Variants in ALK observed in about 807,000 individuals in gnomAD.
The protein encoded by ALK is ALK receptor tyrosine kinase.
ALK carries 74 observed loss-of-function variants against 163.1 expected under a neutral mutation model. The ratio of observed to expected loss-of-function variants is 0.45; its 90% CI spans 0.38 to 0.55. The LOEUF (loss-of-function observed/expected upper bound fraction) is 0.55, where lower values mean the gene tolerates loss of function less well. Among genes scored for constraint, ALK ranks in the 20% least tolerant of loss-of-function variants. The pLI, the probability that ALK is intolerant of heterozygous loss-of-function variation, is 0.00. For synonymous variants in ALK, 960 were observed against 843.2 expected, an observed-to-expected ratio of 1.14 and a Z score of -2.40; for missense variants, 2,063 against 2,105.3, an observed-to-expected ratio of 0.98 and a Z score of 0.39.
intron 4 of ALK, among the ~76,000 whole-genome samples, chr2:29,457,850 G>C (rs565486577): frequency 6.6e-6 from 1 of 152,184 alleles, no homozygotes; most frequent in Non-Finnish European, 1.5e-5. Context: ...GTTTAGAGAG[G>C]TTAGGTGCCT....
chr2:29,378,348 G>A (rs1438792060), intron 5 of ALK, among the ~76,000 whole-genome samples: 2 of 152,112 alleles, frequency 1.3e-5, no homozygotes, highest in Non-Finnish European at 2.9e-5. Context: ...ATTTCTACAT[G>A]GCAAGGGAGA....
At chr2:29,811,116 G>A (rs1273914051) in intron 1 of ALK, among the ~76,000 whole-genome samples, 2 of 152,028 alleles carry the variant, frequency 1.3e-5, no homozygotes, top group African/African-American at 4.8e-5. Flanking sequence ...AAAGAGATGA[G>A]GTAAGAAAAA....
At chr2:29,194,213 AT>A (rs931829310) in intron 28 of ALK, among the ~76,000 whole-genome samples, 2 of 150,888 alleles carry the variant, frequency 1.3e-5, no homozygotes, top group Non-Finnish European at 2.9e-5. Context: ...GTTTTTAAAG[AT>A]TAGTGGATTT....
chr2:29,288,952 AAAAAAATAAATAAAT>A (rs1418408940), intron 9 of ALK, among the ~76,000 whole-genome samples: 364 of 23,584 alleles, frequency 0.015, 20 homozygotes, highest in African/African-American at 0.021. Context: ...ACTCCTTCTC[AAAAAAATAAATAAAT>A]AAATAAATAA....
intron 1 of ALK, among the ~76,000 whole-genome samples, chr2:29,830,629 G>A (rs1292083358): frequency 6.9e-6 from 1 of 145,568 alleles, no homozygotes; most frequent in Non-Finnish European, 1.5e-5. Context: ...AGTGACTCAG[G>A]AGACTGAGGG....
chr2:29,662,251 C>T lies in ALK; in HGVS notation c.952+32599G>A, dbSNP rs190322057. Among the ~76,000 whole-genome samples, 11 of 152,160 alleles carry T rather than the reference C, an allele frequency of 7.2e-5. No individual in the cohort carries two copies. The East Asian group carries it at 9.7e-4, about 13-fold the overall frequency. ...AATACATATGTAACTAAAAGTTGAC[C>T]GGGGCCAGCCTCCCTGCCCTTTGAG... is the stretch of plus-strand genomic sequence containing the variant. On this transcript the variant is annotated intron_variant, in intron 3 of 28. Transcript: ENST00000389048.
At chr2:29,379,587 A>G (rs1044878179) in intron 5 of ALK, among the ~76,000 whole-genome samples, 2 of 152,178 alleles carry the variant, frequency 1.3e-5, no homozygotes, top group African/African-American at 4.8e-5. Context: ...GTGGCTGCAA[A>G]TGACATTTCC....
chr2:29,573,745 A>G (rs1291995815), intron 3 of ALK, among the ~76,000 whole-genome samples: 1 of 152,220 alleles, frequency 6.6e-6, no homozygotes, highest in African/African-American at 2.4e-5. Flanking sequence ...CCTAACCTTG[A>G]CAGTGGGAAT....
intron 4 of ALK, among the ~76,000 whole-genome samples, chr2:29,467,067 C>T (rs561985006): frequency 2.6e-5 from 4 of 152,116 alleles, no homozygotes; most frequent in African/African-American, 9.6e-5. Context: ...CTGGCAATAC[C>T]CATTCACCTC....
intron 6 of ALK, among the ~76,000 whole-genome samples, chr2:29,321,999 G>T (rs1667067706): frequency 6.6e-6 from 1 of 152,198 alleles, no homozygotes; most frequent in African/African-American, 2.4e-5. Context: ...ACTTTCTCCA[G>T]CTCACTCTGA....
At chr2:29,819,351 A>G (rs10187657) in intron 1 of ALK, among the ~76,000 whole-genome samples, 80,962 of 152,112 alleles carry the variant, frequency 0.53, 21,592 homozygotes, top group East Asian at 0.59. Context: ...ATTCACATGG[A>G]ATACGTTACA....
chr2:29,587,698 C>T (rs985796424), intron 3 of ALK, among the ~76,000 whole-genome samples: 2 of 152,062 alleles, frequency 1.3e-5, no homozygotes, highest in Non-Finnish European at 2.9e-5. Context: ...ATAACAAGAG[C>T]CCGGGTGAGG....
At chr2:29,372,366 C>T (rs1475394589) in intron 5 of ALK, among the ~76,000 whole-genome samples, 1 of 152,228 alleles carries the variant, frequency 6.6e-6, no homozygotes, top group East Asian at 1.9e-4. Flanking sequence ...TTTCACTTCA[C>T]CGATCCTGAG....
At chr2:29,825,114 T>C (rs1665161721) in intron 1 of ALK, among the ~76,000 whole-genome samples, 1 of 152,222 alleles carries the variant, frequency 6.6e-6, no homozygotes, top group African/African-American at 2.4e-5. Flanking sequence ...CTGCCATCCA[T>C]GTAAGAAGTG....
At chr2:29,335,241 T>C (rs903985007) in intron 5 of ALK, among the ~76,000 whole-genome samples, 2 of 152,182 alleles carry the variant, frequency 1.3e-5, no homozygotes, top group African/African-American at 4.8e-5. Flanking sequence ...TTGGGGATCT[T>C]TTATTAGTGA....
chr2:29,541,627 C>G (rs1403038034), intron 3 of ALK, among the ~76,000 whole-genome samples: 1 of 152,114 alleles, frequency 6.6e-6, no homozygotes, highest in African/African-American at 2.4e-5. Context: ...AAAGTGGGGA[C>G]TGAAGGAAAT....
intron 1 of ALK, among the ~76,000 whole-genome samples, chr2:29,812,796 A>G (rs1165910970): frequency 6.6e-6 from 1 of 152,180 alleles, no homozygotes; most frequent in Non-Finnish European, 1.5e-5. Flanking sequence ...CCTGGGCTTC[A>G]CGTAGTCATG....
intron 3 of ALK, among the ~76,000 whole-genome samples, chr2:29,675,894 T>A (rs1027230442): frequency 1.3e-5 from 2 of 152,028 alleles, no homozygotes; most frequent in East Asian, 1.9e-4. Context: ...TCTTATTTTT[T>A]AAAAATTTTG....
chr2:29,676,388 T>C (rs1249193098), intron 3 of ALK, among the ~76,000 whole-genome samples: 1 of 152,206 alleles, frequency 6.6e-6, no homozygotes, highest in South Asian at 2.1e-4. Context: ...TATTCTAAGT[T>C]CATTTTTTTG....
Sources: gnomAD v4.1 joint callset for allele counts (sites outside exome capture counted in the v4.1 genomes callset) on GRCh38, gnomAD v4.1.1 for gene constraint, MANE v1.5 for transcripts, NCBI Gene and HGNC (gene_info 2026-07-23, HGNC 2026-07-21) for gene names.